PARP11: variants seen among roughly 807,000 people sequenced by gnomAD.
PARP11 encodes the protein protein mono-ADP-ribosyltransferase PARP11.
In PARP11, 31 loss-of-function variants were observed where a neutral mutation model predicts 42.9. The ratio of observed to expected loss-of-function variants is 0.72; its 90% CI spans 0.54 to 0.98. The LOEUF is 0.98. Among genes scored for constraint, PARP11 ranks in the 50% least tolerant of loss-of-function variants. PARP11 has a pLI of 0.00. For synonymous variants in PARP11, 137 were observed against 127.3 expected (o/e 1.08, Z -0.51); for missense variants, 365 against 413.1 (o/e 0.88, Z 1.01).
At chr12:3,818,194 C>T (rs1947329323) in intron 6 of PARP11, among the ~76,000 whole-genome samples, 1 of 152,200 alleles carries the variant, frequency 6.6e-6, no homozygotes, top group Non-Finnish European at 1.5e-5. Flanking sequence ...CCATTTTCCA[C>T]AGTAGCCATT....
intron 1 of PARP11, 66 bp downstream of exon 1, chr12:3,873,146 C>T (rs1315482405): frequency 3.0e-6 from 4 of 1,355,064 alleles, no homozygotes; most frequent in Non-Finnish European, 4.1e-6. Flanking sequence ...GTTCCGGTGA[C>T]CCCCTCCCGC....
At chr12:3,817,870 G>C (rs148739302) in intron 6 of PARP11, among the ~76,000 whole-genome samples, 1 of 152,298 alleles carries the variant, frequency 6.6e-6, no homozygotes, top group African/African-American at 2.4e-5. Flanking sequence ...TCAGAACCCA[G>C]AGGTTCTGAT....
At position 3,840,567 on chromosome 12, in the gene PARP11, T is replaced by C. The variant is rs1947864425; in HGVS notation, c.19-10549A>G. On this transcript the variant is annotated intron_variant, in intron 1 of 7. Coordinates refer to ENST00000228820, the MANE Select transcript of PARP11 (RefSeq NM_020367.6). This position sits in a 1 kb window ranked among gnomAD's most constrained non-coding sequence, Gnocchi z 4.4. ...CTTCACAGATCATAAGAAAACCTGA[T>C]CGTGAAAGAGTTGAGGATTCTGATC... 6.5e-7 allele frequency: 1 copy of C among 1,545,086 alleles called. No homozygotes were observed. The highest frequency in any genetic ancestry group is 1.1e-5 in the South Asian group (1 of 89,650).
intron 1 of PARP11, among the ~76,000 whole-genome samples, chr12:3,834,293 G>GA (rs1947710045): frequency 6.6e-6 from 1 of 152,200 alleles, no homozygotes; most frequent in African/African-American, 2.4e-5. Context: ...TGAGAGGACT[G>GA]ACTTTATTTG....
At chr12:3,834,946 C>T (rs1193824523) in intron 1 of PARP11, among the ~76,000 whole-genome samples, 2 of 152,166 alleles carry the variant, frequency 1.3e-5, no homozygotes, top group Non-Finnish European at 2.9e-5. Context: ...TGAATCACCA[C>T]CTCTGGCCAA....
chr12:3,822,494 G>T (rs948438276), intron 4 of PARP11, among the ~76,000 whole-genome samples: 5 of 148,358 alleles, frequency 3.4e-5, no homozygotes, highest in Non-Finnish European at 5.9e-5. Flanking sequence ...AGCTACTCGG[G>T]AGGCTGAGGC....
chr12:3,835,595 C>G (rs979504570), intron 1 of PARP11, among the ~76,000 whole-genome samples: 3 of 152,124 alleles, frequency 2.0e-5, no homozygotes, highest in African/African-American at 7.2e-5. Flanking sequence ...GCAATTATTA[C>G]AAATATGCTC....
intron 1 of PARP11, among the ~76,000 whole-genome samples, chr12:3,853,627 T>A (rs937435815): frequency 6.6e-6 from 1 of 152,144 alleles, no homozygotes; most frequent in African/African-American, 2.4e-5. Flanking sequence ...GCACCCAGAT[T>A]CATAAAGCAA....
At chr12:3,859,092 C>A (rs1948248037) in intron 1 of PARP11, among the ~76,000 whole-genome samples, 2 of 141,452 alleles carry the variant, frequency 1.4e-5, no homozygotes. Context: ...AGCAAGACTC[C>A]ATCTCAAAAA....
chr12:3,814,142 C>A lies in PARP11; in HGVS notation c.595G>T (p.Glu199Ter), dbSNP rs1395346450. The change falls in exon 7 of 8, where the codon GAA becomes TAA. Residue 199 changes from glutamate (E) to a stop codon, truncating the protein, a stop_gained. Coordinates refer to ENST00000228820, the MANE Select transcript of PARP11 (RefSeq NM_020367.6). LOFTEE classifies it high-confidence loss of function. ...CTGGTACCATGAAACAGCATTTGTTCATTAATCTGAGGCACACCTCTTTTT... is the reference window on the plus strand; with the variant it reads ...CTGGTACCATGAAACAGCATTTGTTAATTAATCTGAGGCACACCTCTTTTT... The part of the protein sequence containing the change: ...KKKRGVPQIN[E>*]QMLFHGTSSE... 2 of 1,608,690 alleles carry A rather than the reference C, an allele frequency of 1.2e-6. No homozygotes were observed. Among genetic ancestry groups the A allele is most frequent in the Non-Finnish European group, 1.7e-6 (2 of 1,176,802 alleles).
intron 1 of PARP11, among the ~76,000 whole-genome samples, chr12:3,851,733 G>A (rs1948098288): frequency 6.6e-6 from 1 of 152,242 alleles, no homozygotes; most frequent in South Asian, 2.1e-4. Context: ...AAATGTCCGT[G>A]TCTGACAGCT....
chr12:3,837,045 G>A (rs1408580736), intron 1 of PARP11, among the ~76,000 whole-genome samples: 1 of 152,160 alleles, frequency 6.6e-6, no homozygotes, highest in Non-Finnish European at 1.5e-5. Context: ...CAGAGACAAA[G>A]GAGTCAAGTA....
At chr12:3,867,112 T>G (rs942121712) in intron 1 of PARP11, among the ~76,000 whole-genome samples, 3 of 152,190 alleles carry the variant, frequency 2.0e-5, no homozygotes, top group African/African-American at 2.4e-5. Context: ...ATGACATAAG[T>G]TGAAAAAGGT....
At chr12:3,812,820 T>G (rs1947211354) in intron 7 of PARP11, among the ~76,000 whole-genome samples, 1 of 152,172 alleles carries the variant, frequency 6.6e-6, no homozygotes, top group African/African-American at 2.4e-5. Flanking sequence ...TCTGTTTTTT[T>G]GAGACAGAGT....
At position 3,826,250 on chromosome 12, in the gene PARP11, G is replaced by T; in HGVS notation, c.269-17C>A. ...GCTTCATTTCTGTATACAAAGACAA[G>T]ATATTAGATAAGTCATAAAAGTACA... is the stretch of plus-strand genomic sequence containing the variant. On this transcript the variant is annotated splice_polypyrimidine_tract_variant and intron_variant, in intron 3 of 7. Coordinates refer to ENST00000228820, the MANE Select transcript of PARP11 (RefSeq NM_020367.6). 6.5e-7 allele frequency: 1 copy of T among 1,544,684 alleles called. No homozygotes were observed. The highest frequency in any genetic ancestry group is 8.8e-7 in the Non-Finnish European group (1 of 1,141,210).
At chr12:3,826,432 A>G (rs2138037342) in intron 3 of PARP11, among the ~76,000 whole-genome samples, 199 bp from the exon 4 acceptor site, 1 of 152,356 alleles carries the variant, frequency 6.6e-6, no homozygotes, top group Middle Eastern at 3.4e-3. Flanking sequence ...AAGGAAGCAC[A>G]GCTTCATTGC....
At chr12:3,828,190 T>C (rs1023090286) in intron 3 of PARP11, among the ~76,000 whole-genome samples, 5 of 152,232 alleles carry the variant, frequency 3.3e-5, no homozygotes, top group Middle Eastern at 3.2e-3. Context: ...CAGCTAAAAG[T>C]TGTTCTTGAA....
intron 6 of PARP11, among the ~76,000 whole-genome samples, chr12:3,815,692 C>T (rs1042377036): frequency 1.3e-5 from 2 of 152,204 alleles, no homozygotes; most frequent in Admixed American, 1.3e-4. Flanking sequence ...CATCCATAAT[C>T]AAGTGTGTAG....
chr12:3,846,635 T>C (rs956129705), intron 1 of PARP11, among the ~76,000 whole-genome samples: 1 of 151,738 alleles, frequency 6.6e-6, no homozygotes, highest in African/African-American at 2.4e-5. Context: ...CAGGCGCCTG[T>C]AGTCCCAGCT....
Sources: gnomAD v4.1 joint callset for allele counts (sites outside exome capture counted in the v4.1 genomes callset) on GRCh38, gnomAD v4.1.1 for gene constraint, Gnocchi (gnomAD v3.1) non-coding constraint, MANE v1.5 for transcripts, NCBI Gene and HGNC (gene_info 2026-07-23, HGNC 2026-07-21) for gene names.